The following MAGI2 variants were observed in gnomAD, a reference collection of about 807,000 sequenced individuals.
MAGI2 encodes the protein membrane associated guanylate kinase, WW and PDZ domain containing 2, also known as membrane-associated guanylate kinase, WW and PDZ domain-containing protein 2.
A neutral mutation model predicts 133.3 loss-of-function variants in MAGI2; 35 were observed. The observed-to-expected ratio is 0.26, with a 90% CI of 0.20 to 0.35. The LOEUF (loss-of-function observed/expected upper bound fraction) is 0.35, where lower values mean the gene tolerates loss of function less well. Ranked by LOEUF, MAGI2 falls within the 10% of genes least tolerant of loss-of-function variation. MAGI2 has a pLI of 1.00. For synonymous variants in MAGI2, 729 were observed against 710.6 expected, an observed-to-expected ratio of 1.03 and a Z score of -0.41; for missense variants, 1,636 against 1,863.4, an observed-to-expected ratio of 0.88 and a Z score of 2.25.
chr7:78,036,036 C>T (rs1455442685), intron 21 of MAGI2, among the ~76,000 whole-genome samples: 3 of 137,116 alleles, frequency 2.2e-5, no homozygotes, highest in South Asian at 4.7e-4. Context: ...GGCAAATGCA[C>T]GTTTGTGTGT....
chr7:78,429,887 G>A (rs1470433711), intron 6 of MAGI2, among the ~76,000 whole-genome samples: 2 of 152,052 alleles, frequency 1.3e-5, no homozygotes, highest in Admixed American at 6.6e-5. Context: ...TCAAGAAATC[G>A]AGGTATTGAG....
chr7:78,540,064 T>G (rs1022188066), intron 3 of MAGI2, among the ~76,000 whole-genome samples: 1 of 152,222 alleles, frequency 6.6e-6, no homozygotes, highest in African/African-American at 2.4e-5. Flanking sequence ...TGTGATCATA[T>G]AGGGGGATAT....
intron 3 of MAGI2, among the ~76,000 whole-genome samples, chr7:78,591,771 A>G (rs1804027405): frequency 6.6e-6 from 1 of 152,212 alleles, no homozygotes; most frequent in Non-Finnish European, 1.5e-5. Flanking sequence ...TTCATTCCCA[A>G]ATGTAAATAG....
intron 2 of MAGI2, among the ~76,000 whole-genome samples, chr7:78,813,556 C>T (rs1035194275): frequency 2.0e-5 from 3 of 152,028 alleles, no homozygotes; most frequent in Admixed American, 1.3e-4. Flanking sequence ...GAGGCCGAGA[C>T]GGGCGGATCA....
intron 1 of MAGI2, among the ~76,000 whole-genome samples, chr7:79,268,965 C>G (rs1223024330): frequency 6.6e-6 from 1 of 152,124 alleles, no homozygotes; most frequent in Non-Finnish European, 1.5e-5. Context: ...CACTTAAACA[C>G]GTTTCACATT....
intron 1 of MAGI2, among the ~76,000 whole-genome samples, chr7:79,023,728 A>G (rs1264110016): frequency 1.3e-5 from 2 of 152,190 alleles, no homozygotes; most frequent in African/African-American, 4.8e-5. Context: ...CTGCAATTCC[A>G]TTCACAATAG....
At chr7:78,213,008 T>C (rs1014771663) in intron 10 of MAGI2, among the ~76,000 whole-genome samples, 3 of 152,216 alleles carry the variant, frequency 2.0e-5, no homozygotes, top group Non-Finnish European at 2.9e-5. Context: ...TATTTAGTGA[T>C]GGAAGGAGAA....
At chr7:79,378,951 T>C (rs1193930760) in intron 1 of MAGI2, among the ~76,000 whole-genome samples, 1 of 74,154 alleles carries the variant, frequency 1.3e-5, no homozygotes, top group Admixed American at 1.3e-4. Context: ...TATATATATA[T>C]ATATATATAT....
At chr7:78,838,137 G>T (rs938378095) in intron 2 of MAGI2, among the ~76,000 whole-genome samples, 1 of 152,060 alleles carries the variant, frequency 6.6e-6, no homozygotes, top group Non-Finnish European at 1.5e-5. Context: ...ATAGGAACTT[G>T]TTCCAAATAA....
chr7:78,661,456 A>C (rs916511482), intron 2 of MAGI2, among the ~76,000 whole-genome samples: 5 of 152,148 alleles, frequency 3.3e-5, no homozygotes, highest in African/African-American at 1.2e-4. Flanking sequence ...AGCAGCTCTT[A>C]ATGTTCCTTT....
intron 1 of MAGI2, among the ~76,000 whole-genome samples, chr7:79,016,745 A>G (rs1808773194): frequency 6.6e-6 from 1 of 152,166 alleles, no homozygotes; most frequent in Non-Finnish European, 1.5e-5. Flanking sequence ...AGCATTGGCT[A>G]GCATGGAAAC....
At chr7:78,170,111 T>C (rs996678403) in intron 14 of MAGI2, 3 of 152,220 alleles carry the variant, frequency 2.0e-5, no homozygotes. Context: ...TTACAGCTAG[T>C]AATAGAGAAA....
At position 79,042,503 on chromosome 7, in the gene MAGI2, A is replaced by G. The variant is rs140433156; in HGVS notation, c.302-35297T>C. 9.2e-4 allele frequency among the ~76,000 whole-genome samples: 140 copies of G among 152,268 alleles called. 1 individual carries two copies. Among genetic ancestry groups the G allele is most frequent in the African/African-American group, 3.3e-3 (137 of 41,566 alleles). Reference sequence around the variant, plus strand: ...CCAACTTGCCACTCTGTGACTTTCAAGTAGGGCATTTAGCCTGTTTACATT... The same window carrying G: ...CCAACTTGCCACTCTGTGACTTTCAGGTAGGGCATTTAGCCTGTTTACATT... On this transcript the variant is annotated intron_variant, in intron 1 of 21. Coordinates refer to ENST00000354212, the MANE Select transcript of MAGI2 (RefSeq NM_012301.4).
At chr7:78,266,108 C>T (rs798328) in intron 9 of MAGI2, among the ~76,000 whole-genome samples, 83,432 of 152,132 alleles carry the variant, frequency 0.55, 25,577 homozygotes, top group African/African-American at 0.82. Flanking sequence ...TGCTACCTCC[C>T]GCCAAATGGT....
At chr7:78,593,042 A>T (rs548596651) in intron 3 of MAGI2, among the ~76,000 whole-genome samples, 1 of 151,642 alleles carries the variant, frequency 6.6e-6, no homozygotes, top group African/African-American at 2.4e-5. Flanking sequence ...ACATCACCCA[A>T]GCTGGTCTCT....
intron 20 of MAGI2, among the ~76,000 whole-genome samples, chr7:78,082,231 T>A (rs973067457): frequency 1.3e-5 from 2 of 152,220 alleles, no homozygotes; most frequent in Non-Finnish European, 2.9e-5. Flanking sequence ...TTTCATTCAC[T>A]TGTGTGTTTA....
In MAGI2 at chr7:78,523,119, A is replaced by G. The variant is rs942122281; in HGVS notation, c.539-1474T>C. Among the ~76,000 whole-genome samples, 5 of 152,206 alleles carry G rather than the reference A, an allele frequency of 3.3e-5. No individual in the cohort carries two copies. In the East Asian group the frequency reaches 5.8e-4, roughly 18 times the overall value. ...GGGTAAAAGGTGTGCTGTGAAAGGAATGACCATTAACCAGAAGACATAGAA... is the reference window on the plus strand; with the variant it reads ...GGGTAAAAGGTGTGCTGTGAAAGGAGTGACCATTAACCAGAAGACATAGAA... On this transcript the variant is annotated intron_variant, in intron 3 of 21. Coordinates refer to ENST00000354212, the MANE Select transcript of MAGI2 (RefSeq NM_012301.4).
chr7:79,371,100 G>A (rs1475283239), intron 1 of MAGI2, among the ~76,000 whole-genome samples: 4 of 151,960 alleles, frequency 2.6e-5, no homozygotes, highest in Non-Finnish European at 4.4e-5. Context: ...AGTCTTCCCC[G>A]ATCACTCCAG....
intron 5 of MAGI2, among the ~76,000 whole-genome samples, chr7:78,492,647 C>G (rs574817187): frequency 2.0e-5 from 3 of 152,080 alleles, no homozygotes; most frequent in Non-Finnish European, 4.4e-5. Flanking sequence ...CCACATTCTG[C>G]GTACTATCTT....
Sources: allele counts gnomAD v4.1 joint callset (sites outside exome capture counted in the v4.1 genomes callset), GRCh38; gene constraint gnomAD v4.1.1; transcripts MANE v1.5; gene names NCBI Gene and HGNC (gene_info 2026-07-23, HGNC 2026-07-21).